Variants in MICAL2 observed in about 807,000 individuals in gnomAD.
The protein encoded by MICAL2 is microtubule associated monooxygenase, calponin and LIM domain containing 2.
MICAL2 carries 77 observed loss-of-function variants against 127.3 expected under a neutral mutation model. The ratio of observed to expected loss-of-function variants is 0.60; its 90% confidence interval spans 0.50 to 0.73. The LOEUF is 0.73. MICAL2 is among the 30% of genes least tolerant of loss of function. The pLI, the probability that MICAL2 is intolerant of heterozygous loss-of-function variation, is 0.00. For missense variants in MICAL2, 1,351 were observed against 1,434.4 expected (o/e 0.94, Z 0.94); for synonymous variants, 570 against 551.1 (o/e 1.03, Z -0.48).
chr11:12,120,955 G>A (rs1448721656), intron 1 of MICAL2, among the ~76,000 whole-genome samples: 1 of 152,210 alleles, frequency 6.6e-6, no homozygotes, highest in African/African-American at 2.4e-5. Flanking sequence ...AGGGTGGGGG[G>A]CAGTAAGGCT....
intron 17 of MICAL2, among the ~76,000 whole-genome samples, chr11:12,240,589 G>C (rs1056693500): frequency 1.3e-5 from 2 of 152,142 alleles, no homozygotes; most frequent in Admixed American, 1.3e-4. Context: ...CATTCTGGAG[G>C]CTTGGCCCCT....
chr11:12,311,950 G>T (rs1864179699), intron 29 of MICAL2, among the ~76,000 whole-genome samples: 1 of 151,578 alleles, frequency 6.6e-6, no homozygotes, highest in South Asian at 2.1e-4. Context: ...TTCTTCTTGT[G>T]TTTGTTTTGG....
At chr11:12,361,788 C>A (rs1589928066), downstream of MICAL2, among the ~76,000 whole-genome samples, 1 of 152,248 alleles carries the variant, frequency 6.6e-6, no homozygotes, top group Admixed American at 6.5e-5. Flanking sequence ...GCTTTTCCTT[C>A]CAAACTGAAA....
chr11:12,230,672 ACCTC>A (rs1858119063), intron 15 of MICAL2, among the ~76,000 whole-genome samples: 1 of 150,768 alleles, frequency 6.6e-6, no homozygotes, highest in Non-Finnish European at 1.5e-5. Flanking sequence ...AGGCTTAAGA[ACCTC>A]CCTCCCTGAT....
At chr11:12,248,352 C>T (rs1343464530) in intron 21 of MICAL2, among the ~76,000 whole-genome samples, 1 of 152,198 alleles carries the variant, frequency 6.6e-6, no homozygotes, top group Non-Finnish European at 1.5e-5. Flanking sequence ...ATTTCCTCAT[C>T]TATCCCACCA....
Position 12,163,264 on chromosome 11 carries a change from T to C in MICAL2, c.264+845T>C, listed in dbSNP as rs1855057249. Among the ~76,000 whole-genome samples the C allele has an allele frequency of 4.6e-5, 7 of 152,210 alleles. No homozygotes were observed. In the South Asian group the frequency reaches 1.4e-3, roughly 31 times the overall value. ...TGGGAGTCCAGGCGTCTCAGCTGAC[T>C]TCCCTGGTGGCCGTTGGGGACTACC... is the stretch of plus-strand genomic sequence containing the variant. On this transcript the variant is annotated intron_variant, in intron 3 of 27. Transcript: ENST00000683283.
In MICAL2 at chr11:12,256,794, C is replaced by A. The variant is rs781608518; in HGVS notation, c.2965C>A (p.Arg989=). 2 of 1,610,890 alleles carry A rather than the reference C, an allele frequency of 1.2e-6. No individual in the cohort carries two copies. Among genetic ancestry groups the A allele is most frequent in the South Asian group, 1.1e-5 (1 of 90,504 alleles). The change falls in exon 24 of 28, where the codon CGA becomes AGA. Residue 989 remains arginine, a synonymous_variant. Transcript: ENST00000683283. The part of the protein sequence containing the change: ...QATSPDLESM[R]KSFPLNLGGS... Reference sequence around the variant, plus strand: ...CTCTCCCGATCCCCAGGAATCTATGCGAAAGTCATTTCCCCTTAACCTGGG... The same window carrying A: ...CTCTCCCGATCCCCAGGAATCTATGAGAAAGTCATTTCCCCTTAACCTGGG...
chr11:12,152,012 G>A (rs1173910060), intron 2 of MICAL2, among the ~76,000 whole-genome samples: 1 of 152,010 alleles, frequency 6.6e-6, no homozygotes. Flanking sequence ...TCTTAGCTGG[G>A]CTTGGTGGCT....
chr11:12,155,532 A>G (rs11820412), intron 2 of MICAL2, among the ~76,000 whole-genome samples: 3,112 of 152,258 alleles, frequency 0.02, 101 homozygotes, highest in African/African-American at 0.067. Flanking sequence ...ATTCATACAT[A>G]TATACACATA....
At chr11:12,263,011 A>C (rs561293104) in intron 27 of MICAL2, 6 of 157,548 alleles carry the variant, frequency 3.8e-5, no homozygotes, top group Non-Finnish European at 8.5e-5. Context: ...ACCATAGGTG[A>C]TTATTTGGAG....
intron 2 of MICAL2, among the ~76,000 whole-genome samples, chr11:12,157,766 C>G (rs1854351986): frequency 6.6e-6 from 1 of 152,154 alleles, no homozygotes; most frequent in Admixed American, 6.5e-5. Flanking sequence ...GTTTTGCACT[C>G]CAGTTCTCTG....
intron 2 of MICAL2, among the ~76,000 whole-genome samples, chr11:12,149,246 CGG>C (rs1853308171): frequency 6.6e-6 from 1 of 151,674 alleles, no homozygotes; most frequent in Non-Finnish European, 1.5e-5. Flanking sequence ...TATGAGGGGG[CGG>C]GGAAGTGATG....
rs183777462 is a variant in MICAL2 at position 12,304,616 on chromosome 11, C to G, written c.5212+9759C>G. ...TGCCATTGCACTCCAGCATGGGCAA[C>G]AAGAGCGAAACTCTGTCTCAAACAC... On this transcript the variant is annotated intron_variant, in intron 29 of 34. Transcript: ENST00000646065. Among the ~76,000 whole-genome samples, 36 of 149,944 alleles carry G rather than the reference C, an allele frequency of 2.4e-4. 1 individual carries two copies. Among genetic ancestry groups the G allele is most frequent in the Admixed American group, 4.0e-4 (6 of 15,018 alleles).
intron 33 of MICAL2, among the ~76,000 whole-genome samples, chr11:12,353,993 G>A (rs1170768756): frequency 6.6e-6 from 1 of 152,200 alleles, no homozygotes; most frequent in Admixed American, 6.5e-5. Flanking sequence ...CCGGGCCTAT[G>A]CTAGTCATTT....
At chr11:12,125,464 C>G (rs1463865228) in intron 1 of MICAL2, among the ~76,000 whole-genome samples, 2 of 152,180 alleles carry the variant, frequency 1.3e-5, no homozygotes, top group Non-Finnish European at 2.9e-5. Flanking sequence ...CCATGTTAGC[C>G]AGGATAGTCT....
chr11:12,164,666 A>G (rs1288608960), intron 3 of MICAL2, among the ~76,000 whole-genome samples: 1 of 152,110 alleles, frequency 6.6e-6, no homozygotes, highest in Non-Finnish European at 1.5e-5. Flanking sequence ...TGTCTCTTCC[A>G]GGTCAATATT....
At chr11:12,272,159 C>T (rs917629395), upstream of MICAL2, among the ~76,000 whole-genome samples, 1 of 152,136 alleles carries the variant, frequency 6.6e-6, no homozygotes, top group African/African-American at 2.4e-5. Flanking sequence ...GGCTCTGAGG[C>T]GTGGGGGCTG....
At chr11:12,226,932 C>A in intron 14 of MICAL2, 93 bp from the exon 15 acceptor site, 2 of 947,292 alleles carry the variant, frequency 2.1e-6, no homozygotes, top group Non-Finnish European at 3.4e-6. Context: ...GGATTACAGG[C>A]GTGAGCCACC....
In MICAL2 at chr11:12,162,557, G is replaced by A. The variant is rs183509260; in HGVS notation, c.264+138G>A. 5.2e-6 allele frequency: 6 copies of A among 1,150,268 alleles called. No individual in the cohort carries two copies. The African/African-American group carries it at 7.8e-5, about 15-fold the overall frequency. The allele number at this position is 1,150,268 out of a possible 1,614,324, so 71.3% of individuals were successfully genotyped here. A position where few individuals can be genotyped will look rare whatever the true frequency, so the allele number is the denominator to read the frequency against. ...TGTTGCATTGTTTTCCTCCGGTAAA[G>A]GTTTCCTTTGTCTCTAAGCATCAGC... is the stretch of plus-strand genomic sequence containing the variant. On this transcript the variant is annotated intron_variant, in intron 3 of 27. Coordinates refer to ENST00000683283, the MANE Select transcript of MICAL2 (RefSeq NM_001282663.2).
Sources: allele counts gnomAD v4.1 joint callset (sites outside exome capture counted in the v4.1 genomes callset), GRCh38; gene constraint gnomAD v4.1.1; transcripts MANE v1.5; gene names NCBI Gene and HGNC (gene_info 2026-07-23, HGNC 2026-07-21).